The following MICU3 variants were observed in gnomAD, a reference collection of about 807,000 sequenced individuals.
MICU3 encodes mitochondrial calcium uptake 3.
In MICU3, 62 loss-of-function variants were observed where a neutral mutation model predicts 66.5. The ratio of observed to expected loss-of-function variants is 0.93; its 90% CI spans 0.76 to 1.15. MICU3 has a LOEUF of 1.15. Among genes scored for constraint, MICU3 ranks in the 50% most tolerant of loss-of-function variants. The probability of loss-of-function intolerance (pLI) is 0.00; values close to 1 mark genes in which losing one functional copy is unlikely to be tolerated. For missense variants in MICU3, 779 were observed against 664.4 expected (o/e 1.17, Z -1.90); for synonymous variants, 308 against 240.7 (o/e 1.28, Z -2.59).
At chr8:17,078,182 A>G (rs1820662213) in intron 4 of MICU3, among the ~76,000 whole-genome samples, 1 of 151,994 alleles carries the variant, frequency 6.6e-6, no homozygotes, top group Non-Finnish European at 1.5e-5. Context: ...TTTTATATTT[A>G]CCCAAAGAAA....
intron 1 of MICU3, among the ~76,000 whole-genome samples, chr8:17,045,638 C>T (rs1342365103): frequency 6.6e-6 from 1 of 152,182 alleles, no homozygotes; most frequent in Non-Finnish European, 1.5e-5. Flanking sequence ...GCTGCATGCC[C>T]CTTTCCCCAT....
chr8:17,115,118 CA>C (rs11312297), intron 12 of MICU3, among the ~76,000 whole-genome samples: 81,435 of 123,364 alleles, frequency 0.66, 25,346 homozygotes, highest in East Asian at 0.85. Context: ...GACTCCGTCT[CA>C]AAAAAAAAAA....
chr8:17,049,664 A>G (rs1815722809), intron 1 of MICU3: 1 of 515,928 alleles, frequency 1.9e-6, no homozygotes, highest in Non-Finnish European at 3.9e-6. Context: ...CCAATATAAC[A>G]AGTTGTGTAA....
chr8:17,072,274 A>C (rs17489102), intron 3 of MICU3, among the ~76,000 whole-genome samples: 5,921 of 152,224 alleles, frequency 0.039, 173 homozygotes, highest in Non-Finnish European at 0.059. Flanking sequence ...TAGATCTGTA[A>C]ATCAGTGGCA....
intron 1 of MICU3, among the ~76,000 whole-genome samples, chr8:17,043,203 G>T (rs10107323): frequency 0.15 from 22,428 of 151,576 alleles, 3,375 homozygotes; most frequent in African/African-American, 0.39. Flanking sequence ...CCTCCCAAAT[G>T]GCTGGGATTA....
chr8:17,105,696 TG>T, intron 11 of MICU3, 112 bp downstream of exon 11: 1 of 547,564 alleles, frequency 1.8e-6, no homozygotes, highest in Non-Finnish European at 3.1e-6. Flanking sequence ...AAAGATATCT[TG>T]GATGTGTTTC....
intron 8 of MICU3, among the ~76,000 whole-genome samples, chr8:17,097,458 A>G (rs1346058990): frequency 1.3e-5 from 2 of 151,806 alleles, no homozygotes; most frequent in Admixed American, 1.3e-4. Flanking sequence ...TTAAGATTTT[A>G]TTAAAATATA....
intron 1 of MICU3, among the ~76,000 whole-genome samples, chr8:17,034,242 T>G (rs1423984367): frequency 6.6e-6 from 1 of 152,238 alleles, no homozygotes; most frequent in African/African-American, 2.4e-5. Flanking sequence ...CTGATTGTTT[T>G]AAGCTCACTA....
chr8:17,032,544 T>A (rs575367946), intron 1 of MICU3, among the ~76,000 whole-genome samples: 1 of 152,356 alleles, frequency 6.6e-6, no homozygotes, highest in South Asian at 2.1e-4. Context: ...ACAAATTTTT[T>A]ATCTCTTTCA....
At chr8:17,065,931 T>C (rs1818610512) in intron 2 of MICU3, among the ~76,000 whole-genome samples, 1 of 152,068 alleles carries the variant, frequency 6.6e-6, no homozygotes, top group African/African-American at 2.4e-5. Flanking sequence ...AACAAGAAAC[T>C]ATGAGAGTAA....
intron 1 of MICU3, among the ~76,000 whole-genome samples, chr8:17,031,431 G>A (rs192165989): frequency 4.0e-5 from 6 of 151,492 alleles, no homozygotes; most frequent in Non-Finnish European, 7.4e-5. Flanking sequence ...GATTACAGGC[G>A]CCGGCCACCA....
intron 1 of MICU3, among the ~76,000 whole-genome samples, chr8:17,053,906 G>A (rs937026272): frequency 1.3e-5 from 2 of 152,170 alleles, no homozygotes; most frequent in African/African-American, 4.8e-5. Context: ...CCTAGAAGGA[G>A]TAACATGAAA....
intron 1 of MICU3, among the ~76,000 whole-genome samples, chr8:17,033,747 A>G (rs199906488): frequency 2.0e-5 from 3 of 152,040 alleles, no homozygotes; most frequent in Non-Finnish European, 4.4e-5. Flanking sequence ...ACTATCATCA[A>G]TTATTTTAAA....
rs1802704414 is a variant in MICU3 at position 17,116,617 on chromosome 8, TA to T, written c.1524+20del. On this transcript the variant is annotated intron_variant, in intron 13 of 14. Coordinates refer to ENST00000318063, the MANE Select transcript of MICU3 (RefSeq NM_181723.3). ...GGATTCCGGGTAAACCTACACATTTTAAACCTATTGATATCCTTTTTAAAGT... is the reference window on the plus strand; with the variant it reads ...GGATTCCGGGTAAACCTACACATTTTAACCTATTGATATCCTTTTTAAAGT... 1 of 1,521,646 alleles carries T rather than the reference TA, an allele frequency of 6.6e-7. No homozygotes were observed. The highest frequency in any genetic ancestry group is 8.8e-7 in the Non-Finnish European group (1 of 1,137,100). The allele number at this position is 1,521,646 out of a possible 1,614,324, so 94.3% of individuals were successfully genotyped here. A position where few individuals can be genotyped will look rare whatever the true frequency, so the allele number is the denominator to read the frequency against.
intron 1 of MICU3, among the ~76,000 whole-genome samples, chr8:17,036,963 C>A (rs372986791): frequency 1.3e-5 from 2 of 152,202 alleles, no homozygotes; most frequent in South Asian, 2.1e-4. Flanking sequence ...TCCTGCCCCG[C>A]GGGAAGGCAG....
intron 1 of MICU3, among the ~76,000 whole-genome samples, chr8:17,028,684 A>G (rs1811467465): frequency 6.6e-6 from 1 of 152,186 alleles, no homozygotes; most frequent in Non-Finnish European, 1.5e-5. Context: ...TAGGTTACGG[A>G]ATCTGCTTTA....
chr8:17,036,082 C>T (rs1812927116), intron 1 of MICU3, among the ~76,000 whole-genome samples: 1 of 152,164 alleles, frequency 6.6e-6, no homozygotes, highest in Admixed American at 6.5e-5. Context: ...CTTAAGGTGG[C>T]ACGTCTGGAG....
intron 6 of MICU3, 41 bp downstream of exon 6, chr8:17,085,359 T>G (rs1799360382): frequency 2.4e-6 from 3 of 1,268,924 alleles, no homozygotes; most frequent in Non-Finnish European, 3.4e-6. Flanking sequence ...TAATTAAATA[T>G]TGCTTACTTA....
In MICU3 at chr8:17,064,226, A is replaced by G. The variant is rs200905352; in HGVS notation, c.524A>G (p.Asp175Gly). 9 of 1,611,492 alleles carry G rather than the reference A, an allele frequency of 5.6e-6. No homozygotes were observed. Among genetic ancestry groups the G allele is most frequent in the Non-Finnish European group, 7.6e-6 (9 of 1,178,544 alleles). The part of the protein sequence containing the change: ...PYDFILAVTT[D>G]EPKVAKTWKS... Reference sequence around the variant, plus strand: ...GATTTTATTTTGGCTGTTACAACAGATGAGCCCAAAGGTAAGTACACTTTT... The same window carrying G: ...GATTTTATTTTGGCTGTTACAACAGGTGAGCCCAAAGGTAAGTACACTTTT... The change falls in exon 2 of 15, where the codon GAT (aspartate) becomes GGT (glycine). Residue 175 changes from aspartate to glycine, a missense_variant. Physicochemically the swap from Asp to Gly is moderately conservative, Grantham distance 94. Transcript: ENST00000318063.
Sources: allele counts gnomAD v4.1 joint callset (sites outside exome capture counted in the v4.1 genomes callset), GRCh38; gene constraint gnomAD v4.1.1; transcripts MANE v1.5; gene names NCBI Gene and HGNC (gene_info 2026-07-23, HGNC 2026-07-21).